Variants in DGKI observed in about 807,000 individuals in gnomAD.
The protein encoded by DGKI is diacylglycerol kinase iota.
A neutral mutation model predicts 147.5 loss-of-function variants in DGKI; 55 were observed. That is an observed-to-expected ratio of 0.37 (90% confidence interval 0.30 to 0.47). DGKI has a LOEUF of 0.47. Ranked by LOEUF, DGKI falls within the 20% of genes least tolerant of loss-of-function variation. The pLI is 1.00. For missense variants in DGKI, 1,007 were observed against 1,323.8 expected, an observed-to-expected ratio of 0.76 and a Z score of 3.71; for synonymous variants, 469 against 477.1, an observed-to-expected ratio of 0.98 and a Z score of 0.22.
chr7:137,769,588 T>C (rs2116843126), intron 1 of DGKI, among the ~76,000 whole-genome samples: 1 of 151,948 alleles, frequency 6.6e-6, no homozygotes, highest in Admixed American at 6.5e-5. Flanking sequence ...TTGACAAAGG[T>C]CTAATATGCA....
At chr7:137,509,429 AGCAACTCCTCTGTG>A (rs1300637419) in intron 21 of DGKI, among the ~76,000 whole-genome samples, 3 of 152,148 alleles carry the variant, frequency 2.0e-5, no homozygotes, top group Non-Finnish European at 4.4e-5. Context: ...AGTCCAAGGA[AGCAACTCCTCTGTG>A]GCCAGTTGGA....
intron 23 of DGKI, among the ~76,000 whole-genome samples, chr7:137,475,700 A>G (rs36076622): frequency 0.043 from 6,490 of 152,342 alleles, 143 homozygotes; most frequent in Middle Eastern, 0.092. Context: ...CCACTACACT[A>G]GGAACCAGTC....
intron 1 of DGKI, among the ~76,000 whole-genome samples, chr7:137,770,336 G>C (rs1001910320): frequency 6.6e-6 from 1 of 151,996 alleles, no homozygotes; most frequent in African/African-American, 2.4e-5. Flanking sequence ...GGCAGGGGAG[G>C]GAGAGCATTA....
In DGKI at chr7:137,381,855, C is replaced by T. The variant is rs1463672722; in HGVS notation, c.*9365G>A. ...TATGAGAGTTCTAAATCTCCTTCCC[C>T]AGGATGGCAAGAATCCAAACTTTCC... On this transcript the variant is annotated 3_prime_UTR_variant, in exon 33 of 33. Transcript: ENST00000614521. 1.3e-5 allele frequency: 2 copies of T among 152,084 alleles called. No homozygotes were observed. Among genetic ancestry groups the T allele is most frequent in the Non-Finnish European group, 2.9e-5 (2 of 67,986 alleles). 9.4% of individuals were successfully genotyped at this position (152,084 alleles called of 1,614,324 possible).
At chr7:137,466,810 T>A in intron 25 of DGKI, 92 bp downstream of exon 25, 10 of 1,371,630 alleles carry the variant, frequency 7.3e-6, no homozygotes, top group Non-Finnish European at 1.0e-5. Flanking sequence ...TCTCAGTGGT[T>A]TTCGTTAGAA....
At chr7:137,775,162 A>T (rs924982408) in intron 1 of DGKI, among the ~76,000 whole-genome samples, 3 of 151,846 alleles carry the variant, frequency 2.0e-5, no homozygotes, top group African/African-American at 7.3e-5. Flanking sequence ...GGTGTGCTCC[A>T]TGTGGCATTA....
intron 9 of DGKI, 116 bp from the exon 10 acceptor site, chr7:137,609,180 T>TTTTTTTTTTTTTTTTTTTTG: frequency 1.4e-6 from 1 of 711,340 alleles, no homozygotes; most frequent in African/African-American, 1.8e-5. Flanking sequence ...GGCTGACTCT[T>TTTTTTTTTTTTTTTTTTTTG]AACACGACTT....
chr7:137,781,452 G>C (rs145404236), intron 1 of DGKI, among the ~76,000 whole-genome samples: 1 of 152,298 alleles, frequency 6.6e-6, no homozygotes, highest in African/African-American at 2.4e-5. Flanking sequence ...AGTTAAGTAA[G>C]CACTTTACTG....
chr7:137,386,195 C>G lies in DGKI; in HGVS notation c.*5025G>C, dbSNP rs1345043444. 1 of 152,096 alleles carries G rather than the reference C, an allele frequency of 6.6e-6. No individual in the cohort carries two copies. Among genetic ancestry groups the G allele is most frequent in the Non-Finnish European group, 1.5e-5 (1 of 68,010 alleles). The allele number at this position is 152,096 out of a possible 1,614,324, so 9.4% of individuals were successfully genotyped here. Reference sequence around the variant, plus strand: ...TCTTTCTGGGACCTGGTCAGTAAATCTCAGTGTCCTGGGAGAGGAGGTTGT... The same window carrying G: ...TCTTTCTGGGACCTGGTCAGTAAATGTCAGTGTCCTGGGAGAGGAGGTTGT... On this transcript the variant is annotated 3_prime_UTR_variant, in exon 33 of 33. Coordinates refer to ENST00000614521, the MANE Select transcript of DGKI (RefSeq NM_001321708.2).
chr7:137,774,719 G>T (rs1472007158), intron 1 of DGKI: 1 of 152,172 alleles, frequency 6.6e-6, no homozygotes, highest in African/African-American at 2.4e-5. Context: ...CACCTGATTT[G>T]TAGCGACACA....
intron 20 of DGKI, among the ~76,000 whole-genome samples, chr7:137,522,239 A>G (rs923481316): frequency 3.9e-5 from 6 of 152,092 alleles, no homozygotes; most frequent in African/African-American, 1.4e-4. Flanking sequence ...TTGATTTTTT[A>G]AAACATTTAA....
chr7:137,387,889 TA>T lies in DGKI; in HGVS notation c.*3330del, dbSNP rs1470873760. 1 of 152,166 alleles carries T rather than the reference TA, an allele frequency of 6.6e-6. No homozygotes were observed. Among genetic ancestry groups the T allele is most frequent in the African/African-American group, 2.4e-5 (1 of 41,452 alleles). The allele number at this position is 152,166 out of a possible 1,614,324, so 9.4% of individuals were successfully genotyped here. The stretch of plus-strand genomic sequence containing the variant: ...TATTATAAGGGGTCTAGTAAATAAA[TA>T]AATTTCAGAAATTCGTTAGGCAAAG... On this transcript the variant is annotated 3_prime_UTR_variant, in exon 33 of 33. Transcript: ENST00000614521.
intron 5 of DGKI, among the ~76,000 whole-genome samples, chr7:137,652,962 A>AT (rs1325195323): frequency 6.6e-6 from 1 of 152,162 alleles, no homozygotes; most frequent in Admixed American, 6.5e-5. Flanking sequence ...CCAAACTCAT[A>AT]TACCCACTCA....
chr7:137,626,096 G>A (rs557085801), intron 6 of DGKI, among the ~76,000 whole-genome samples: 21 of 152,212 alleles, frequency 1.4e-4, no homozygotes, highest in African/African-American at 4.6e-4. Context: ...CAGACTTTGT[G>A]CCATGAGCCC....
At chr7:137,797,109 T>G (rs1797057595) in intron 1 of DGKI, among the ~76,000 whole-genome samples, 1 of 152,194 alleles carries the variant, frequency 6.6e-6, no homozygotes, top group Non-Finnish European at 1.5e-5. Flanking sequence ...ACAGCTGACT[T>G]ATCCTAAAAC....
At chr7:137,736,664 T>C (rs1189993616) in intron 1 of DGKI, among the ~76,000 whole-genome samples, 1 of 152,118 alleles carries the variant, frequency 6.6e-6, no homozygotes, top group African/African-American at 2.4e-5. Flanking sequence ...GGAAAAATAC[T>C]GAAAGTAACG....
chr7:137,646,438 G>A (rs1821826782), intron 5 of DGKI, among the ~76,000 whole-genome samples: 1 of 152,220 alleles, frequency 6.6e-6, no homozygotes, highest in Admixed American at 6.5e-5. Context: ...GTCTCAGACT[G>A]TAGGAAACAC....
intron 1 of DGKI, among the ~76,000 whole-genome samples, chr7:137,720,350 C>T (rs1189630619): frequency 4.0e-5 from 6 of 148,748 alleles, no homozygotes; most frequent in South Asian, 2.1e-4. Context: ...CTCCACCTCC[C>T]GGGTTCACAC....
At chr7:137,701,342 G>A (rs1585386789) in intron 1 of DGKI, among the ~76,000 whole-genome samples, 2 of 147,784 alleles carry the variant, frequency 1.4e-5, no homozygotes, top group South Asian at 2.2e-4. Flanking sequence ...TCTAGCCAGT[G>A]TAAAAAGAGA....
Sources: gnomAD v4.1 joint callset for allele counts (sites outside exome capture counted in the v4.1 genomes callset) on GRCh38, gnomAD v4.1.1 for gene constraint, MANE v1.5 for transcripts, NCBI Gene and HGNC (gene_info 2026-07-23, HGNC 2026-07-21) for gene names.